PRKN: variants seen among roughly 807,000 people sequenced by gnomAD.
PRKN encodes the protein parkin RBR E3 ubiquitin protein ligase.
Under a neutral mutation model 59.5 loss-of-function variants are expected in PRKN, and 56 were observed. The ratio of observed to expected loss-of-function variants is 0.94; its 90% CI spans 0.76 to 1.18. PRKN has a LOEUF of 1.18. PRKN is among the 50% of genes most tolerant of loss of function. PRKN has a pLI of 0.00. For synonymous variants in PRKN, 250 were observed against 222.1 expected (o/e 1.13, Z -1.12); for missense variants, 657 against 596.4 (o/e 1.10, Z -1.06).
rs869269519 is a variant in PRKN at position 162,021,119 on chromosome 6, CATATATATATAT to C, written c.618+32960_618+32971del. ...CTCTGTCTCAAAAAAAAAACAAAAA[CATATATATATAT>C]ATATATATATATATATATATATATA... is the stretch of plus-strand genomic sequence containing the variant. On this transcript the variant is annotated intron_variant, in intron 5 of 11. Transcript: ENST00000366898. 8.8e-3 allele frequency among the ~76,000 whole-genome samples: 412 copies of C among 46,554 alleles called. 51 individuals carry two copies. The highest frequency in any genetic ancestry group is 0.022 in the African/African-American group (370 of 16,912). 30.5% of individuals were successfully genotyped at this position (46,554 alleles called of 152,430 possible).
rs1171801958 is a variant in PRKN, at chr6:161,350,655, T to A, written c.1286-444A>T. Among the ~76,000 whole-genome samples the A allele has an allele frequency of 2.0e-3, 194 of 97,854 alleles. 4 individuals are homozygous for A. Among genetic ancestry groups the A allele is most frequent in the Middle Eastern group, 6.5e-3 (1 of 154 alleles). The allele number at this position is 97,854 out of a possible 152,430, so 64.2% of individuals were successfully genotyped here. Reference sequence around the variant, plus strand: ...ATATTTATATTTAAAATATATATATTTTTATATATTTATATTTAAAATATA... The same window carrying A: ...ATATTTATATTTAAAATATATATATATTTATATATTTATATTTAAAATATA... On this transcript the variant is annotated intron_variant, in intron 11 of 11. Transcript: ENST00000366898.
Position 161,379,099 on chromosome 6 carries a change from T to C in PRKN, c.1167+7695A>G, listed in dbSNP as rs1203189608. On this transcript the variant is annotated intron_variant, in intron 10 of 11. Transcript: ENST00000366898. This position sits in a 1 kb window ranked among gnomAD's most constrained non-coding sequence, Gnocchi z 4.9. ...CTCTCAGGAGCAGGCAGGGCTGCAG[T>C]TATAGAATGGGGTATTTAAATGGGA... Among the ~76,000 whole-genome samples, 1 of 152,038 alleles carries C rather than the reference T, an allele frequency of 6.6e-6. No homozygotes were observed. The highest frequency in any genetic ancestry group is 1.5e-5 in the Non-Finnish European group (1 of 67,992).
intron 6 of PRKN, among the ~76,000 whole-genome samples, chr6:161,958,972 C>T (rs766857124): frequency 6.6e-6 from 1 of 151,680 alleles, no homozygotes; most frequent in Non-Finnish European, 1.5e-5. Context: ...CTGTTTTTTG[C>T]TTTCAAAACA....
chr6:161,436,673 C>T (rs887182053), intron 9 of PRKN, among the ~76,000 whole-genome samples: 2 of 152,002 alleles, frequency 1.3e-5, no homozygotes, highest in African/African-American at 4.8e-5. Flanking sequence ...CTGCTCTGAC[C>T]TCATCCCTTC....
At chr6:161,985,604 T>C (rs1357370393) in intron 5 of PRKN, among the ~76,000 whole-genome samples, 1 of 152,218 alleles carries the variant, frequency 6.6e-6, no homozygotes, top group Non-Finnish European at 1.5e-5. Flanking sequence ...ACAGTATTAT[T>C]TTACATTTAT....
rs1780074305 is a variant in PRKN at position 161,552,644 on chromosome 6, A to G, written c.934-3641T>C. Among the ~76,000 whole-genome samples the G allele has an allele frequency of 6.6e-6, 1 of 152,140 alleles. No individual in the cohort carries two copies. The highest frequency in any genetic ancestry group is 2.1e-4 in the South Asian group (1 of 4,832). The stretch of plus-strand genomic sequence containing the variant: ...TGTAAATATCACATAGAATAAGCTT[A>G]ATACATTATAAAGTGACCAACTTTT... On this transcript the variant is annotated intron_variant, in intron 8 of 11. Coordinates refer to ENST00000366898, the MANE Select transcript of PRKN (RefSeq NM_004562.3). The surrounding 1 kb of genome is among the most constrained non-coding windows in gnomAD (Gnocchi z 4.9).
At chr6:162,012,059 A>T (rs1782748088) in intron 5 of PRKN, among the ~76,000 whole-genome samples, 1 of 152,128 alleles carries the variant, frequency 6.6e-6, no homozygotes, top group South Asian at 2.1e-4. Flanking sequence ...ATTGTTAAAT[A>T]CAGGGTCTTC....
intron 1 of PRKN, among the ~76,000 whole-genome samples, chr6:162,703,039 G>T (rs1359770130): frequency 3.3e-5 from 5 of 152,274 alleles, no homozygotes; most frequent in Non-Finnish European, 1.5e-5. Context: ...CATAAGCTTT[G>T]ATAGTATTCT....
intron 7 of PRKN, among the ~76,000 whole-genome samples, chr6:161,756,846 T>C (rs1022490772): frequency 2.0e-5 from 3 of 152,072 alleles, no homozygotes; most frequent in African/African-American, 7.2e-5. Flanking sequence ...ACACTAAATG[T>C]AAATCTACAG....
At chr6:162,649,303 A>G (rs1778324289) in intron 1 of PRKN, among the ~76,000 whole-genome samples, 1 of 152,212 alleles carries the variant, frequency 6.6e-6, no homozygotes, top group East Asian at 1.9e-4. Context: ...TAAGATGACT[A>G]GCAAATTGTT....
chr6:161,645,276 C>G (rs1783883495), intron 7 of PRKN, among the ~76,000 whole-genome samples: 1 of 151,258 alleles, frequency 6.6e-6, no homozygotes, highest in African/African-American at 2.4e-5. Flanking sequence ...CGGAAACATA[C>G]TAACCGATAT....
intron 1 of PRKN, among the ~76,000 whole-genome samples, chr6:162,659,223 T>A (rs1346623847): frequency 6.6e-6 from 1 of 152,206 alleles, no homozygotes; most frequent in South Asian, 2.1e-4. Flanking sequence ...TTACACTTTA[T>A]GCCTTTTTTC....
chr6:162,271,612 C>T (rs990366053), intron 2 of PRKN: 4 of 151,544 alleles, frequency 2.6e-5, no homozygotes, highest in Admixed American at 6.6e-5. Context: ...TTTGTTTGGT[C>T]ACTGCTAACA....
intron 2 of PRKN, among the ~76,000 whole-genome samples, chr6:162,286,911 T>G (rs779405473): frequency 1.2e-4 from 19 of 152,242 alleles, no homozygotes; most frequent in Non-Finnish European, 2.2e-4. Flanking sequence ...CAGGTTCATC[T>G]TGTAAAACCA....
At chr6:162,370,871 G>A (rs1417808468) in intron 2 of PRKN, among the ~76,000 whole-genome samples, 1 of 152,172 alleles carries the variant, frequency 6.6e-6, no homozygotes, top group Non-Finnish European at 1.5e-5. Flanking sequence ...GAGTGATACT[G>A]AAAAACCAAC....
intron 2 of PRKN, among the ~76,000 whole-genome samples, chr6:162,417,023 G>A (rs2128157589): frequency 6.6e-6 from 1 of 152,290 alleles, no homozygotes; most frequent in East Asian, 1.9e-4. Context: ...ACAGCTGGAG[G>A]AAATTAGAGT....
At chr6:162,493,143 T>C (rs945352095) in intron 1 of PRKN, among the ~76,000 whole-genome samples, 3 of 152,040 alleles carry the variant, frequency 2.0e-5, no homozygotes, top group Admixed American at 6.6e-5. Flanking sequence ...AGGATAAAAA[T>C]CAATGGACAT....
At chr6:161,453,675 GA>G (rs1789840472) in intron 9 of PRKN, among the ~76,000 whole-genome samples, 1 of 151,828 alleles carries the variant, frequency 6.6e-6, no homozygotes, top group African/African-American at 2.4e-5. Context: ...TCAATTCTTT[GA>G]AATAAAGAGA....
intron 7 of PRKN, among the ~76,000 whole-genome samples, chr6:161,617,091 T>G (rs571791828): frequency 3.0e-4 from 46 of 152,346 alleles, no homozygotes; most frequent in Non-Finnish European, 5.4e-4. Context: ...GACTTTTTAA[T>G]GATCACCATT....
Sources: gnomAD v4.1 joint callset for allele counts (sites outside exome capture counted in the v4.1 genomes callset) on GRCh38, gnomAD v4.1.1 for gene constraint, Gnocchi (gnomAD v3.1) non-coding constraint, MANE v1.5 for transcripts, NCBI Gene and HGNC (gene_info 2026-07-23, HGNC 2026-07-21) for gene names.